Variants in TOP2B observed in about 807,000 individuals in gnomAD.
The protein encoded by TOP2B is DNA topoisomerase 2-beta.
A neutral mutation model predicts 193.5 loss-of-function variants in TOP2B; 51 were observed. The ratio of observed to expected loss-of-function variants is 0.26; its 90% CI spans 0.21 to 0.33. The LOEUF (loss-of-function observed/expected upper bound fraction) is 0.33, where lower values mean the gene tolerates loss of function less well. TOP2B is among the 10% of genes least tolerant of loss of function. TOP2B has a pLI of 1.00. For missense variants in TOP2B, 1,378 were observed against 1,909.3 expected, an observed-to-expected ratio of 0.72 and a Z score of 5.19; for synonymous variants, 634 against 635.7, an observed-to-expected ratio of 1.00 and a Z score of 0.04.
At position 25,628,080 on chromosome 3, in the gene TOP2B, G is replaced by A. The variant is rs180949061; in HGVS notation, c.1906+767C>T. Among the ~76,000 whole-genome samples, 807 of 128,978 alleles carry A rather than the reference G, an allele frequency of 6.3e-3. 4 individuals carry two copies. Among genetic ancestry groups the A allele is most frequent in the African/African-American group, 0.022 (773 of 35,010 alleles). The allele number at this position is 128,978 out of a possible 152,430, so 84.6% of individuals were successfully genotyped here. A position where few individuals can be genotyped will look rare whatever the true frequency, so the allele number is the denominator to read the frequency against. ...AAAATAAAAACAATTAAAAAAAAAC[G>A]AAATAAAAATAAAAATAAAAAACTC... On this transcript the variant is annotated intron_variant, in intron 15 of 35. Coordinates refer to ENST00000264331, the MANE Select transcript of TOP2B (RefSeq NM_001330700.2).
At chr3:25,661,262 G>T (rs1403294225) in intron 1 of TOP2B, among the ~76,000 whole-genome samples, 1 of 152,202 alleles carries the variant, frequency 6.6e-6, no homozygotes, top group East Asian at 1.9e-4. Flanking sequence ...GCCTCCCAAA[G>T]TTCTGGGATT....
At chr3:25,633,765 ATTG>A in intron 8 of TOP2B, 73 bp downstream of exon 8, 1 of 1,293,154 alleles carries the variant, frequency 7.7e-7, no homozygotes, top group South Asian at 1.8e-5. Context: ...GGTTGTGGAT[ATTG>A]TTATTTGTTT....
At chr3:25,641,672 A>C (rs1457159006) in intron 4 of TOP2B, among the ~76,000 whole-genome samples, 2 of 152,278 alleles carry the variant, frequency 1.3e-5, no homozygotes, top group East Asian at 3.9e-4. Context: ...GATTATTACT[A>C]GTAAGACTAT....
In TOP2B at chr3:25,632,497, C is replaced by A. The variant is rs1466916403; in HGVS notation, c.1215G>T (p.Gln405His). The A allele has an allele frequency of 1.3e-6, 2 of 1,585,752 alleles. No homozygotes were observed. The highest frequency in any genetic ancestry group is 8.6e-7 in the Non-Finnish European group (1 of 1,167,654). ...GGCATTTAGACCCAAAACTTTTGGG[C>A]TGCAGAGTCATGTTTTCCTTAGTCT... ...DSQTKENMTLQPKSFGSKCQL... is the reference protein window; with the variant it reads ...DSQTKENMTLHPKSFGSKCQL... The change falls in exon 10 of 36, where the codon CAG becomes CAT. Residue 405 changes from glutamine to histidine, a missense_variant. Transcript: ENST00000264331.
chr3:25,619,434 G>T (rs1379630595), intron 23 of TOP2B, among the ~76,000 whole-genome samples: 1 of 151,944 alleles, frequency 6.6e-6, no homozygotes, highest in African/African-American at 2.4e-5. Flanking sequence ...AATGGAACTT[G>T]AATCACACAC....
chr3:25,611,439 C>A (rs1460285739), intron 28 of TOP2B, among the ~76,000 whole-genome samples: 1 of 152,164 alleles, frequency 6.6e-6, no homozygotes, highest in Non-Finnish European at 1.5e-5. Context: ...AGAGAACTCT[C>A]CAATCTCTAA....
At chr3:25,628,369 C>T (rs9829148) in intron 15 of TOP2B, among the ~76,000 whole-genome samples, 2 of 97,102 alleles carry the variant, frequency 2.1e-5, no homozygotes, top group African/African-American at 3.4e-5. Context: ...CAGCTACTTG[C>T]GGGGGCTGAG....
intron 20 of TOP2B, 36 bp downstream of exon 20, chr3:25,624,261 A>G: frequency 6.2e-7 from 1 of 1,608,594 alleles, no homozygotes; most frequent in East Asian, 2.2e-5. Context: ...TCCAAATCAA[A>G]TCAAACTTTA....
intron 29 of TOP2B, 50 bp from the exon 30 acceptor site, chr3:25,609,394 T>A (rs1168836837): frequency 6.7e-7 from 1 of 1,491,058 alleles, no homozygotes; most frequent in Non-Finnish European, 9.0e-7. Flanking sequence ...TATAGAAATG[T>A]CATTAGTAAA....
Position 25,609,732 on chromosome 3 carries a change from T to C in TOP2B, c.3787-20A>G. 1 of 1,417,218 alleles carries C rather than the reference T, an allele frequency of 7.1e-7. No individual in the cohort carries two copies. The highest frequency in any genetic ancestry group is 9.2e-7 in the Non-Finnish European group (1 of 1,085,708). 87.8% of individuals were successfully genotyped at this position (1,417,218 alleles called of 1,614,324 possible). A position where few individuals can be genotyped will look rare whatever the true frequency, so the allele number is the denominator to read the frequency against. On this transcript the variant is annotated intron_variant, in intron 28 of 35. Coordinates refer to ENST00000264331, the MANE Select transcript of TOP2B (RefSeq NM_001330700.2). ...ATCACCCTACATAATAAAAAGAAAA[T>C]CAAGCCACGAGTAAAAATAAAAACA...
rs1251289373 is a variant in TOP2B at position 25,637,325 on chromosome 3, T to A, written c.542-13A>T. ...CCATTACGACCACCTGTAAGAAAAATTAAATGTAAAAGGTTTAGTAAAAAT... is the reference window on the plus strand; with the variant it reads ...CCATTACGACCACCTGTAAGAAAAAATAAATGTAAAAGGTTTAGTAAAAAT... On this transcript the variant is annotated splice_polypyrimidine_tract_variant and intron_variant, in intron 5 of 35. Transcript: ENST00000264331. 1 of 1,529,630 alleles carries A rather than the reference T, an allele frequency of 6.5e-7. No individual in the cohort carries two copies. The highest frequency in any genetic ancestry group is 2.0e-5 in the Admixed American group (1 of 48,966). The allele number at this position is 1,529,630 out of a possible 1,614,324, so 94.8% of individuals were successfully genotyped here. A position where few individuals can be genotyped will look rare whatever the true frequency, so the allele number is the denominator to read the frequency against.
rs577914829 is a variant in TOP2B, at chr3:25,607,946, A to AT, written c.4094-572dup. 4.1e-3 allele frequency among the ~76,000 whole-genome samples: 618 copies of AT among 151,934 alleles called. 8 individuals carry two copies. Among genetic ancestry groups the AT allele is most frequent in the African/African-American group, 0.014 (583 of 41,416 alleles). ...ACAGGTGTGCCACCATTCCTGGCTG[A>AT]TTTTTTTTAAAAAATTGTTTTAGAC... On this transcript the variant is annotated intron_variant, in intron 30 of 35. Coordinates refer to ENST00000264331, the MANE Select transcript of TOP2B (RefSeq NM_001330700.2).
intron 2 of TOP2B, 70 bp downstream of exon 2, chr3:25,645,230 T>A: frequency 7.4e-7 from 1 of 1,345,640 alleles, no homozygotes; most frequent in South Asian, 1.7e-5. Context: ...TTACAATAAT[T>A]TTATCAACAT....
intron 1 of TOP2B, among the ~76,000 whole-genome samples, chr3:25,662,562 A>G (rs185887791): frequency 3.9e-5 from 6 of 152,208 alleles, no homozygotes; most frequent in African/African-American, 1.4e-4. Context: ...CCTTTAATCA[A>G]TAAGTCAATT....
chr3:25,598,351 A>ACT lies in TOP2B; in HGVS notation c.4835_4836dup (p.Asp1614LeufsTer50). On this transcript the variant is annotated frameshift_variant, in exon 36 of 36. Transcript: ENST00000264331. LOFTEE classifies it high-confidence loss of function. The stretch of plus-strand genomic sequence containing the variant: ...TCAACATCATCTTCTTCTTCATCAG[A>ACT]CTCTGCAAAATATTTTACTTCTTTC... 6.2e-7 allele frequency: 1 copy of ACT among 1,612,278 alleles called. No homozygotes were observed. Among genetic ancestry groups the ACT allele is most frequent in the Non-Finnish European group, 8.5e-7 (1 of 1,179,068 alleles).
chr3:25,647,541 A>G (rs183021161), intron 1 of TOP2B, among the ~76,000 whole-genome samples: 38 of 152,264 alleles, frequency 2.5e-4, no homozygotes, highest in African/African-American at 7.2e-4. Context: ...AATATTTTCA[A>G]GATTAGACTC....
rs3736605 is a variant in TOP2B at position 25,630,287 on chromosome 3, C to T, written c.1563+25G>A. The stretch of plus-strand genomic sequence containing the variant: ...ATGTATGTGTGCATGTGTGTATACA[C>T]ATATATATACACACACATACATACC... On this transcript the variant is annotated intron_variant, in intron 12 of 35. Transcript: ENST00000264331. 422,263 of 1,535,356 alleles carry T rather than the reference C, an allele frequency of 0.28. 58,891 individuals carry two copies. Among genetic ancestry groups the T allele is most frequent in the African/African-American group, 0.4 (29,097 of 72,234 alleles).
intron 1 of TOP2B, among the ~76,000 whole-genome samples, chr3:25,652,744 AG>A (rs1176042576): frequency 6.6e-6 from 1 of 152,180 alleles, no homozygotes; most frequent in African/African-American, 2.4e-5. Flanking sequence ...ACCCTTTCAA[AG>A]AACTAGGAAA....
At position 25,604,427 on chromosome 3, in the gene TOP2B, C is replaced by T. The variant is rs189433741; in HGVS notation, c.4489+333G>A. Among the ~76,000 whole-genome samples the T allele has an allele frequency of 1.7e-3, 265 of 152,240 alleles. 1 individual carries two copies. Among genetic ancestry groups the T allele is most frequent in the Admixed American group, 4.8e-3 (73 of 15,290 alleles). On this transcript the variant is annotated intron_variant, in intron 33 of 35. Transcript: ENST00000264331. ...AATCCCTCCACATAAGGAGTTGAGTCATGATCAACATAGATAACAGAAGCA... is the reference window on the plus strand; with the variant it reads ...AATCCCTCCACATAAGGAGTTGAGTTATGATCAACATAGATAACAGAAGCA...
Sources: allele counts gnomAD v4.1 joint callset (sites outside exome capture counted in the v4.1 genomes callset), GRCh38; gene constraint gnomAD v4.1.1; transcripts MANE v1.5; gene names NCBI Gene and HGNC (gene_info 2026-07-23, HGNC 2026-07-21).